RIMS1: variants seen among roughly 807,000 people sequenced by gnomAD.
RIMS1 encodes regulating synaptic membrane exocytosis protein 1.
RIMS1 carries 83 observed loss-of-function variants against 214.1 expected under a neutral mutation model. The ratio of observed to expected loss-of-function variants is 0.39; its 90% CI spans 0.32 to 0.47. The LOEUF (loss-of-function observed/expected upper bound fraction) is 0.47. Among genes scored for constraint, RIMS1 ranks in the 20% least tolerant of loss-of-function variants. RIMS1 has a pLI of 0.99. For missense variants in RIMS1, 2,050 were observed against 2,161.8 expected (o/e 0.95, Z 1.03); for synonymous variants, 793 against 786.8 (o/e 1.01, Z -0.13).
chr6:72,018,709 A>G (rs185414635), intron 2 of RIMS1, among the ~76,000 whole-genome samples: 1 of 152,312 alleles, frequency 6.6e-6, no homozygotes, highest in Non-Finnish European at 1.5e-5. Context: ...GGAAACCCAG[A>G]GAGTGTAGTA....
intron 2 of RIMS1, among the ~76,000 whole-genome samples, chr6:72,068,110 C>T (rs1219544526): frequency 6.6e-6 from 1 of 152,120 alleles, no homozygotes; most frequent in Non-Finnish European, 1.5e-5. Flanking sequence ...TCTTCTTTTT[C>T]ATGCCTGGAA....
chr6:72,300,709 A>T (rs1357520016), intron 26 of RIMS1, among the ~76,000 whole-genome samples: 2 of 151,778 alleles, frequency 1.3e-5, no homozygotes, highest in African/African-American at 4.8e-5. Context: ...AAAGGACAAG[A>T]TATATAACAA....
At chr6:72,125,633 G>A (rs1168972256) in intron 4 of RIMS1, among the ~76,000 whole-genome samples, 2 of 152,218 alleles carry the variant, frequency 1.3e-5, no homozygotes, top group Admixed American at 1.3e-4. Context: ...GAGCTGCAGT[G>A]GGGTCCACCC....
At chr6:71,956,544 A>G (rs945697359) in intron 1 of RIMS1, among the ~76,000 whole-genome samples, 2 of 152,194 alleles carry the variant, frequency 1.3e-5, no homozygotes, top group African/African-American at 4.8e-5. Flanking sequence ...GAAAAAATTA[A>G]TGTGGAGTTT....
intron 2 of RIMS1, among the ~76,000 whole-genome samples, chr6:72,039,739 A>G (rs568739552): frequency 2.8e-4 from 43 of 152,152 alleles, no homozygotes; most frequent in African/African-American, 1.0e-3. Flanking sequence ...TATATTCAGA[A>G]ATATTAATGG....
At chr6:72,025,294 G>T (rs1269250434) in intron 2 of RIMS1, among the ~76,000 whole-genome samples, 2 of 152,094 alleles carry the variant, frequency 1.3e-5, no homozygotes, top group African/African-American at 2.4e-5. Flanking sequence ...TTTCCCCAAG[G>T]ATCCTTCTTT....
intron 26 of RIMS1, among the ~76,000 whole-genome samples, chr6:72,303,941 TAATG>T (rs2094894964): frequency 6.6e-6 from 1 of 151,646 alleles, no homozygotes; most frequent in Non-Finnish European, 1.5e-5. Flanking sequence ...AATCTATAAT[TAATG>T]CTGAAATATA....
chr6:71,931,711 T>C (rs919874670), intron 1 of RIMS1, among the ~76,000 whole-genome samples: 1 of 152,072 alleles, frequency 6.6e-6, no homozygotes, highest in Non-Finnish European at 1.5e-5. Flanking sequence ...GTTTACTCTA[T>C]TGATAGTTTC....
chr6:72,066,141 T>G (rs1829243878), intron 2 of RIMS1, among the ~76,000 whole-genome samples: 1 of 152,176 alleles, frequency 6.6e-6, no homozygotes, highest in Non-Finnish European at 1.5e-5. Context: ...TTAAGTGCGT[T>G]TGAGATACAC....
At chr6:72,374,174 T>C (rs1595647041) in intron 29 of RIMS1, among the ~76,000 whole-genome samples, 1 of 152,120 alleles carries the variant, frequency 6.6e-6, no homozygotes, top group Non-Finnish European at 1.5e-5. Context: ...CGGCCTCCCA[T>C]AGTGCTGGGA....
intron 15 of RIMS1, 100 bp downstream of exon 15, chr6:72,251,468 G>T: frequency 1.0e-6 from 1 of 970,464 alleles, no homozygotes; most frequent in Non-Finnish European, 1.5e-6. Flanking sequence ...TTTTATTAGA[G>T]ATCAAAATAC....
Position 72,221,291 on chromosome 6 carries a change from A to AGTGT in RIMS1, c.1679-12454_1679-12451dup, listed in dbSNP as rs71540331. On this transcript the variant is annotated intron_variant, in intron 6 of 33. Coordinates refer to ENST00000521978, the MANE Select transcript of RIMS1 (RefSeq NM_014989.7). ...ATGGTAGGCCCAAAGATCTGGGGTG[A>AGTGT]GTGTGTGTGTGTGTGTGTGTGTGTG... is the stretch of plus-strand genomic sequence containing the variant. Among the ~76,000 whole-genome samples, 1,206 of 138,614 alleles carry AGTGT rather than the reference A, an allele frequency of 8.7e-3. 5 individuals are homozygous for AGTGT. Among genetic ancestry groups the AGTGT allele is most frequent in the South Asian group, 0.021 (88 of 4,238 alleles). The allele number at this position is 138,614 out of a possible 152,430, so 90.9% of individuals were successfully genotyped here. A position where few individuals can be genotyped will look rare whatever the true frequency, so the allele number is the denominator to read the frequency against.
At chr6:72,326,905 A>G (rs2096491617) in intron 28 of RIMS1, among the ~76,000 whole-genome samples, 1 of 151,800 alleles carries the variant, frequency 6.6e-6, no homozygotes. Flanking sequence ...GAGATATGAC[A>G]ATAGAAGCAG....
Position 72,237,897 on chromosome 6 carries a change from A to C in RIMS1, c.1932A>C (p.Ala644=). 6.2e-7 allele frequency: 1 copy of C among 1,613,266 alleles called. No individual in the cohort carries two copies. The highest frequency in any genetic ancestry group is 8.5e-7 in the Non-Finnish European group (1 of 1,179,466). ...CCAAAGTAAAGAAGGGTAGCCTAGC[A>C]GATGTAGTTGGACACCTAAGAGCAG... The part of the protein sequence containing the change: ...FITKVKKGSL[A]DVVGHLRAGD... The change falls in exon 9 of 34, where the codon GCA becomes GCC. Residue 644 remains alanine (A), a synonymous_variant. Transcript: ENST00000521978.
chr6:72,010,916 T>C (rs986139443), intron 2 of RIMS1, among the ~76,000 whole-genome samples: 1 of 152,092 alleles, frequency 6.6e-6, no homozygotes, highest in African/African-American at 2.4e-5. Context: ...AGGTAATTTA[T>C]AGATTCAATG....
chr6:72,389,485 A>G (rs747994557), intron 29 of RIMS1, among the ~76,000 whole-genome samples: 3 of 152,208 alleles, frequency 2.0e-5, no homozygotes, highest in East Asian at 3.8e-4. Flanking sequence ...ACAATTTACA[A>G]AAGGAATCCA....
chr6:72,275,337 C>T (rs541771219), intron 23 of RIMS1, among the ~76,000 whole-genome samples: 1 of 151,156 alleles, frequency 6.6e-6, no homozygotes, highest in East Asian at 1.9e-4. Context: ...CATAATTAGT[C>T]ATGTAAATGT....
chr6:72,133,985 G>C (rs768218336), intron 4 of RIMS1, among the ~76,000 whole-genome samples: 1 of 152,124 alleles, frequency 6.6e-6, no homozygotes, highest in East Asian at 1.9e-4. Flanking sequence ...TTGCAAAGTG[G>C]AGTTAGTAAT....
At chr6:72,004,044 A>G (rs1806393376) in intron 2 of RIMS1, among the ~76,000 whole-genome samples, 1 of 106,088 alleles carries the variant, frequency 9.4e-6, no homozygotes, top group African/African-American at 3.8e-5. Flanking sequence ...AACAGTCCCC[A>G]GAGTGTGACA....
Sources: allele counts gnomAD v4.1 joint callset (sites outside exome capture counted in the v4.1 genomes callset), GRCh38; gene constraint gnomAD v4.1.1; transcripts MANE v1.5; gene names NCBI Gene and HGNC (gene_info 2026-07-23, HGNC 2026-07-21).